PIK3C2G: variants seen among roughly 807,000 people sequenced by gnomAD.
The protein encoded by PIK3C2G is phosphatidylinositol-4-phosphate 3-kinase catalytic subunit type 2 gamma.
PIK3C2G carries 168 observed loss-of-function variants against 181.1 expected under a neutral mutation model. The observed-to-expected ratio is 0.93, with a 90% CI of 0.82 to 1.05. The LOEUF is 1.05. Among genes scored for constraint, PIK3C2G ranks in the 50% least tolerant of loss-of-function variants. The pLI is 0.00. For missense variants in PIK3C2G, 1,869 were observed against 1,732.8 expected, an observed-to-expected ratio of 1.08 and a Z score of -1.40; for synonymous variants, 573 against 592.2, an observed-to-expected ratio of 0.97 and a Z score of 0.47.
chr12:18,693,725 G>T, the PIK3C2G span: 2 of 1,544,434 alleles, frequency 1.3e-6, no homozygotes, highest in Non-Finnish European at 8.9e-7. Context: ...GAACCAGTTG[G>T]ATGGATTTGA....
intron 1 of PIK3C2G, among the ~76,000 whole-genome samples, chr12:18,255,212 C>A (rs1948132321): frequency 1.3e-5 from 1 of 76,800 alleles, no homozygotes; most frequent in Non-Finnish European, 2.8e-5. Context: ...GAAACTCCGT[C>A]TCAAAAATAA....
intron 18 of PIK3C2G, among the ~76,000 whole-genome samples, chr12:18,455,759 T>C (rs1947591231): frequency 6.6e-6 from 1 of 150,440 alleles, no homozygotes; most frequent in Non-Finnish European, 1.5e-5. Flanking sequence ...ATCCCAGTCA[T>C]GAGATCTCCA....
chr12:18,642,873 G>C (rs557732923), intron 32 of PIK3C2G, among the ~76,000 whole-genome samples: 60 of 151,520 alleles, frequency 4.0e-4, no homozygotes, highest in Middle Eastern at 3.4e-3. Flanking sequence ...GAGAGAGAGA[G>C]ATTCTCTAAA....
Position 18,648,255 on chromosome 12 carries a change from T to A in PIK3C2G, c.*227T>A. The A allele has an allele frequency of 3.5e-6, 1 of 288,560 alleles. No homozygotes were observed. Among genetic ancestry groups the A allele is most frequent in the Non-Finnish European group, 6.4e-6 (1 of 156,100 alleles). The allele number at this position is 288,560 out of a possible 1,614,324, so 17.9% of individuals were successfully genotyped here. On this transcript the variant is annotated 3_prime_UTR_variant, in exon 33 of 33. Transcript: ENST00000538779. ...CAGTGGAGTACTGATTGCATGAAAT[T>A]TGATGTGTAAAATAATAAAAGACCT...
chr12:18,551,912 A>G (rs1173519465), intron 26 of PIK3C2G, among the ~76,000 whole-genome samples: 1 of 152,120 alleles, frequency 6.6e-6, no homozygotes, highest in Non-Finnish European at 1.5e-5. Context: ...TGACTTAACT[A>G]GTTGCCTTTG....
At chr12:18,433,370 G>C (rs866560888) in intron 18 of PIK3C2G, among the ~76,000 whole-genome samples, 1 of 151,820 alleles carries the variant, frequency 6.6e-6, no homozygotes, top group Non-Finnish European at 1.5e-5. Flanking sequence ...AAAATTAGCT[G>C]GGCGTGGTGG....
chr12:18,442,780 ATTATGCATCTTT>A (rs1168547651), intron 18 of PIK3C2G, among the ~76,000 whole-genome samples: 1 of 152,180 alleles, frequency 6.6e-6, no homozygotes, highest in Non-Finnish European at 1.5e-5. Context: ...TGATTAGAAA[ATTATGCATCTTT>A]TTATGCATAC....
chr12:18,317,859 A>C (rs148727901), intron 6 of PIK3C2G, among the ~76,000 whole-genome samples: 112 of 152,380 alleles, frequency 7.4e-4, no homozygotes, highest in African/African-American at 2.6e-3. Context: ...GAATAATAAC[A>C]GTTCTTACTT....
chr12:18,423,261 T>C (rs764477882), intron 17 of PIK3C2G, among the ~76,000 whole-genome samples: 4 of 151,992 alleles, frequency 2.6e-5, no homozygotes, highest in Non-Finnish European at 5.9e-5. Context: ...AACTGGGTTT[T>C]CATTTTCATA....
At chr12:18,427,018 C>T (rs777776845) in intron 18 of PIK3C2G, among the ~76,000 whole-genome samples, 4 of 152,096 alleles carry the variant, frequency 2.6e-5, no homozygotes, top group Non-Finnish European at 5.9e-5. Context: ...AGTGGATACA[C>T]TTTGTGGTGT....
intron 9 of PIK3C2G, among the ~76,000 whole-genome samples, chr12:18,340,187 C>T (rs898026613): frequency 2.6e-5 from 4 of 152,126 alleles, no homozygotes; most frequent in South Asian, 2.1e-4. Context: ...AAATATACTA[C>T]AGCAGGGTGT....
the PIK3C2G span, chr12:18,715,671 G>T: frequency 1.7e-4 from 26 of 152,090 alleles, no homozygotes; most frequent in African/African-American, 6.3e-4. Flanking sequence ...TTGTTTTTTT[G>T]TTGTTGTTTT....
chr12:18,347,234 AT>A (rs1939756074), intron 11 of PIK3C2G, among the ~76,000 whole-genome samples: 1 of 152,048 alleles, frequency 6.6e-6, no homozygotes, highest in Non-Finnish European at 1.5e-5. Context: ...GAAAAAAAAA[AT>A]CACTCTGATC....
At chr12:18,724,286 G>A in the PIK3C2G span, among the ~76,000 whole-genome samples, 1 of 151,956 alleles carries the variant, frequency 6.6e-6, no homozygotes. Context: ...AAATGACGAA[G>A]GAAGAATTCA....
the PIK3C2G span, among the ~76,000 whole-genome samples, chr12:18,718,303 C>T: frequency 6.6e-6 from 1 of 152,250 alleles, no homozygotes; most frequent in Middle Eastern, 3.4e-3. Flanking sequence ...CACTGCTACA[C>T]CATCTTCCCA....
chr12:18,725,747 T>C, the PIK3C2G span, among the ~76,000 whole-genome samples: 2 of 152,108 alleles, frequency 1.3e-5, no homozygotes, highest in Non-Finnish European at 2.9e-5. Context: ...AAACCATCTC[T>C]TGCTATGGTA....
At chr12:18,712,711 C>T in the PIK3C2G span, 23 of 1,108,468 alleles carry the variant, frequency 2.1e-5, no homozygotes, top group Non-Finnish European at 3.1e-5. Context: ...ATTTCACTGC[C>T]TACTAATGGA....
chr12:18,704,755 G>A, the PIK3C2G span, among the ~76,000 whole-genome samples: 13 of 152,252 alleles, frequency 8.5e-5, no homozygotes, highest in African/African-American at 2.9e-4. Flanking sequence ...TAGAGACAGG[G>A]AAATTGAAAA....
chr12:18,420,741 A>T (rs1302053822), intron 16 of PIK3C2G, among the ~76,000 whole-genome samples, 200 bp from the exon 17 acceptor site: 3 of 152,076 alleles, frequency 2.0e-5, no homozygotes. Context: ...AGTTGAAAGG[A>T]TTTTCTACTG....
Sources: gnomAD v4.1 joint callset for allele counts (sites outside exome capture counted in the v4.1 genomes callset) on GRCh38, gnomAD v4.1.1 for gene constraint, MANE v1.5 for transcripts, NCBI Gene and HGNC (gene_info 2026-07-23, HGNC 2026-07-21) for gene names.